Variants in P3H3 observed in about 807,000 individuals in gnomAD.
P3H3 encodes the protein gene rich cluster, B.
A neutral mutation model predicts 78.1 loss-of-function variants in P3H3; 64 were observed. The observed-to-expected ratio is 0.82, with a 90% CI of 0.67 to 1.01. P3H3 has a LOEUF of 1.01. Ranked by LOEUF, P3H3 falls within the 50% of genes least tolerant of loss-of-function variation. P3H3 has a pLI of 0.00. For missense variants in P3H3, 975 were observed against 982.2 expected (o/e 0.99, Z 0.10); for synonymous variants, 425 against 416.7 (o/e 1.02, Z -0.24).
At chr12:6,838,926 C>T (rs1943528466) in intron 13 of P3H3, 74 bp from the exon 14 acceptor site, 5 of 1,354,730 alleles carry the variant, frequency 3.7e-6, no homozygotes, top group Non-Finnish European at 5.0e-6. Flanking sequence ...TGTCCCCATC[C>T]TGCTCTAGGG....
At position 6,828,928 on chromosome 12, in the gene P3H3, C is replaced by T; in HGVS notation, c.488C>T (p.Ala163Val). ...RREPYNYLQR[A>V]YYQLKKLDLA... Reference sequence around the variant, plus strand: ...GAGCCCTACAACTACCTGCAGAGGGCCTATTACCAGGTGGGGAGCGGGCCG... The same window carrying T: ...GAGCCCTACAACTACCTGCAGAGGGTCTATTACCAGGTGGGGAGCGGGCCG... The change falls in exon 1 of 15, where the codon GCC becomes GTC. Residue 163 changes from alanine to valine, a missense_variant. Coordinates refer to ENST00000290510, the MANE Select transcript of P3H3 (RefSeq NM_014262.5). The T allele has an allele frequency of 8.1e-7, 1 of 1,239,960 alleles. No homozygotes were observed. Among genetic ancestry groups the T allele is most frequent in the Non-Finnish European group, 1.0e-6 (1 of 990,850 alleles). The allele number at this position is 1,239,960 out of a possible 1,614,324, so 76.8% of individuals were successfully genotyped here. A position where few individuals can be genotyped will look rare whatever the true frequency, so the allele number is the denominator to read the frequency against.
Position 6,831,919 on chromosome 12 carries a change from G to C in P3H3, c.1212+5G>C. 6.4e-7 allele frequency: 1 copy of C among 1,557,864 alleles called. No homozygotes were observed. On this transcript the variant is annotated splice_donor_5th_base_variant and intron_variant, in intron 6 of 14. Transcript: ENST00000290510. This position sits in a 1 kb window ranked among gnomAD's most constrained non-coding sequence, Gnocchi z 4.6. ...GGGACCAGCTTCAAGGATCCTGTGAGTCACTCCACTTCTGCCCATCTCACC... is the reference window on the plus strand; with the variant it reads ...GGGACCAGCTTCAAGGATCCTGTGACTCACTCCACTTCTGCCCATCTCACC...
Position 6,839,377 on chromosome 12 carries a change from C to T in P3H3, c.2127C>T (p.Asp709=), listed in dbSNP as rs1555122764. 4 of 1,553,104 alleles carry T rather than the reference C, an allele frequency of 2.6e-6. No individual in the cohort carries two copies. The highest frequency in any genetic ancestry group is 4.9e-5 in the East Asian group (2 of 41,002). The change falls in exon 15 of 15, where the codon GAC becomes GAT. Residue 709 remains aspartate (D), a synonymous_variant. Coordinates refer to ENST00000290510, the MANE Select transcript of P3H3 (RefSeq NM_014262.5). ...AAGAGGAAGAAATGCCCAGCAAAGA[C>T]CCTTCCCCAGAGCCCCCTAGCCGCA... ...EEEEEEMPSK[D]PSPEPPSRRH...
chr12:6,829,727 A>T lies in P3H3; in HGVS notation c.499-132A>T. 1 of 922,450 alleles carries T rather than the reference A, an allele frequency of 1.1e-6. No individual in the cohort carries two copies. Among genetic ancestry groups the T allele is most frequent in the Non-Finnish European group, 1.7e-6 (1 of 589,332 alleles). 57.1% of individuals were successfully genotyped at this position (922,450 alleles called of 1,614,324 possible). On this transcript the variant is annotated intron_variant, in intron 1 of 14. Transcript: ENST00000290510. The surrounding 1 kb of genome is among the most constrained non-coding windows in gnomAD (Gnocchi z 5.1). ...GCAGTTCGGGCGGTGGGCGGTTCTG[A>T]TTGGCCAGTCTTCCATGAGGCTCTG...
rs782658286 is a variant in P3H3, at chr12:6,828,427, G to A, written c.-14G>A. On this transcript the variant is annotated 5_prime_UTR_variant, in exon 1 of 15. Transcript: ENST00000290510. ...CTCCCGCATTTCCCCTCGGCTGCCG[G>A]CGGCTCCGACATCATGCTCCGGCTC... The A allele has an allele frequency of 8.2e-5, 49 of 599,276 alleles. No individual in the cohort carries two copies. In the African/African-American group the frequency reaches 8.9e-4, roughly 11 times the overall value. The allele number at this position is 599,276 out of a possible 1,614,324, so 37.1% of individuals were successfully genotyped here. A position where few individuals can be genotyped will look rare whatever the true frequency, so the allele number is the denominator to read the frequency against.
Position 6,831,963 on chromosome 12 carries a change from G to A in P3H3, c.1212+49G>A, listed in dbSNP as rs782798440. The A allele has an allele frequency of 9.3e-6, 10 of 1,077,444 alleles. No individual in the cohort carries two copies. Among genetic ancestry groups the A allele is most frequent in the Non-Finnish European group, 1.4e-5 (10 of 716,072 alleles). The allele number at this position is 1,077,444 out of a possible 1,614,324, so 66.7% of individuals were successfully genotyped here. ...TCTCACCCCTCCGCACTCCCAGGAGGGATGGCACTTTGGTTTGCAACAGAG... is the reference window on the plus strand; with the variant it reads ...TCTCACCCCTCCGCACTCCCAGGAGAGATGGCACTTTGGTTTGCAACAGAG... On this transcript the variant is annotated intron_variant, in intron 6 of 14. Coordinates refer to ENST00000290510, the MANE Select transcript of P3H3 (RefSeq NM_014262.5). This position sits in a 1 kb window ranked among gnomAD's most constrained non-coding sequence, Gnocchi z 4.6.
At chr12:6,832,497 T>C (rs59316697) in intron 6 of P3H3, among the ~76,000 whole-genome samples, 9,573 of 152,264 alleles carry the variant, frequency 0.063, 434 homozygotes, top group African/African-American at 0.11. Flanking sequence ...CCCTGAGTCA[T>C]GGCAATCAAT....
In P3H3 at chr12:6,829,797, A is replaced by AG. The variant is rs1310791576; in HGVS notation, c.499-57dup. 2 of 1,579,342 alleles carry AG rather than the reference A, an allele frequency of 1.3e-6. No individual in the cohort carries two copies. The highest frequency in any genetic ancestry group is 2.7e-5 in the African/African-American group (2 of 73,802). ...CTGGGGTAGGGTGGGGAGGCTGGCC[A>AG]GGGGGCAGAGGTCTGCCCCCCGTCC... On this transcript the variant is annotated intron_variant, in intron 1 of 14. Coordinates refer to ENST00000290510, the MANE Select transcript of P3H3 (RefSeq NM_014262.5). This position sits in a 1 kb window ranked among gnomAD's most constrained non-coding sequence, Gnocchi z 5.1.
rs782230820 is a variant in P3H3, at chr12:6,828,735, C to G, written c.295C>G (p.Pro99Ala). 230 of 1,247,126 alleles carry G rather than the reference C, an allele frequency of 1.8e-4. No homozygotes were observed. In the Middle Eastern group the frequency reaches 5.8e-3, roughly 32 times the overall value. The allele number at this position is 1,247,126 out of a possible 1,614,324, so 77.3% of individuals were successfully genotyped here. The change falls in exon 1 of 15, where the codon CCC (proline) becomes GCC (alanine). Residue 99 changes from proline (P) to alanine (A), a missense_variant. Physicochemically the swap from Pro to Ala is conservative, Grantham distance 27. Transcript: ENST00000290510. ...CGCCGTGCTTCTCGGGGCCCCGGAG[C>G]CCGACTCCGGGCCGGGACCCACGCA... ...LPAVLLGAPE[P>A]DSGPGPTQGS...
In P3H3 at chr12:6,829,133, G is replaced by A; in HGVS notation, c.498+195G>A. ...TGAGATCGCAGAGGAGCAGCCGAGG[G>A]GGAGTGCGAGCAGAATGGGAATGGG... On this transcript the variant is annotated intron_variant, in intron 1 of 14. Transcript: ENST00000290510. The surrounding 1 kb of genome is among the most constrained non-coding windows in gnomAD (Gnocchi z 5.1). 1 of 399,260 alleles carries A rather than the reference G, an allele frequency of 2.5e-6. No individual in the cohort carries two copies. Among genetic ancestry groups the A allele is most frequent in the Non-Finnish European group, 4.4e-6 (1 of 227,982 alleles). The allele number at this position is 399,260 out of a possible 1,614,324, so 24.7% of individuals were successfully genotyped here.
In P3H3 at chr12:6,837,406, C is replaced by T; in HGVS notation, c.1561-17C>T. On this transcript the variant is annotated splice_polypyrimidine_tract_variant and intron_variant, in intron 10 of 14. Transcript: ENST00000290510. The stretch of plus-strand genomic sequence containing the variant: ...CTTGCCTTCCTCCTTTTCTGCCCTG[C>T]CTTTCACTGCCTGCAGCTGGCCCGG... The T allele has an allele frequency of 6.2e-7, 1 of 1,603,718 alleles. No individual in the cohort carries two copies. The highest frequency in any genetic ancestry group is 2.2e-5 in the East Asian group (1 of 44,448).
Position 6,837,574 on chromosome 12 carries a change from G to T in P3H3, c.1711+1G>T, listed in dbSNP as rs782115750. ...CTGGTGTGCCGCAGCGCCATAGAAG[G>T]TACGACAGGGACCCCCCACTGCTCT... On this transcript the variant is annotated splice_donor_variant, in intron 11 of 14. Transcript: ENST00000290510. LOFTEE classifies it high-confidence loss of function. The T allele has an allele frequency of 6.2e-6, 10 of 1,611,520 alleles. No individual in the cohort carries two copies. Among genetic ancestry groups the T allele is most frequent in the Middle Eastern group, 1.6e-4 (1 of 6,078 alleles).
rs1555120981 is a variant in P3H3, at chr12:6,829,571, C to T, written c.499-288C>T. 4.6e-6 allele frequency: 2 copies of T among 433,446 alleles called. No individual in the cohort carries two copies. The highest frequency in any genetic ancestry group is 2.5e-5 in the South Asian group (1 of 40,550). The allele number at this position is 433,446 out of a possible 1,614,324, so 26.9% of individuals were successfully genotyped here. ...CCCCACCTCACTTAAGCCATCACTT[C>T]CACCTGGTCTCCCAAATTGAGGTCC... On this transcript the variant is annotated intron_variant, in intron 1 of 14. Transcript: ENST00000290510. This position sits in a 1 kb window ranked among gnomAD's most constrained non-coding sequence, Gnocchi z 5.1.
At chr12:6,830,283 C>A in intron 2 of P3H3, 70 bp from the exon 3 acceptor site, 1 of 1,444,714 alleles carries the variant, frequency 6.9e-7, no homozygotes, top group Non-Finnish European at 9.5e-7. Context: ...GACCAACACC[C>A]CTCTCCTCTC....
chr12:6,830,591 C>T (rs368039549), intron 3 of P3H3, 37 bp downstream of exon 3: 13 of 1,587,168 alleles, frequency 8.2e-6, no homozygotes, highest in Middle Eastern at 1.7e-4. Context: ...GGTCGGTGCC[C>T]AGGGAGGGGC....
Position 6,828,426 on chromosome 12 carries a change from G to C in P3H3, c.-15G>C, listed in dbSNP as rs61475630. 3.0e-5 allele frequency: 12 copies of C among 405,758 alleles called. No individual in the cohort carries two copies. The highest frequency in any genetic ancestry group is 1.2e-4 in the African/African-American group (5 of 43,122). The allele number at this position is 405,758 out of a possible 1,614,324, so 25.1% of individuals were successfully genotyped here. A position where few individuals can be genotyped will look rare whatever the true frequency, so the allele number is the denominator to read the frequency against. On this transcript the variant is annotated 5_prime_UTR_variant, in exon 1 of 15. Transcript: ENST00000290510. ...GCTCCCGCATTTCCCCTCGGCTGCC[G>C]GCGGCTCCGACATCATGCTCCGGCT... is the stretch of plus-strand genomic sequence containing the variant.
At chr12:6,836,682 A>G (rs1309747888) in intron 9 of P3H3, among the ~76,000 whole-genome samples, 2 of 151,960 alleles carry the variant, frequency 1.3e-5, no homozygotes, top group African/African-American at 2.4e-5. Flanking sequence ...GCTCTGCCCC[A>G]CTTTTCCAGC....
In P3H3 at chr12:6,837,012, G is replaced by T; in HGVS notation, c.1486G>T (p.Gly496Cys). The change falls in exon 10 of 15, where the codon GGC becomes TGC. Residue 496 changes from glycine to cysteine, a missense_variant. Gly to Cys is a radical substitution (Grantham distance 159). Coordinates refer to ENST00000290510, the MANE Select transcript of P3H3 (RefSeq NM_014262.5). ...TGCAGCTGGGGCTGGAGCCAGGTCT[G>T]GCTATCGTGGTCGCCGCTCCCCTCA... The part of the protein sequence containing the change: ...KDAAGAGARS[G>C]YRGRRSPHTP... 6.2e-7 allele frequency: 1 copy of T among 1,610,670 alleles called. No homozygotes were observed.
At chr12:6,838,157 C>T (rs781988192) in intron 13 of P3H3, 124 bp downstream of exon 13, 51 of 1,291,006 alleles carry the variant, frequency 4.0e-5, no homozygotes, top group African/African-American at 1.9e-4. Context: ...TTCACTTCCC[C>T]GCCTCCGCAG....
Sources: gnomAD v4.1 joint callset for allele counts (sites outside exome capture counted in the v4.1 genomes callset) on GRCh38, gnomAD v4.1.1 for gene constraint, Gnocchi (gnomAD v3.1) non-coding constraint, MANE v1.5 for transcripts, NCBI Gene and HGNC (gene_info 2026-07-23, HGNC 2026-07-21) for gene names.